The following ASPRV1 variants were observed in gnomAD, a reference collection of about 807,000 sequenced individuals.
ASPRV1 encodes the protein retroviral-like aspartic protease 1.
A neutral mutation model predicts 11.0 loss-of-function variants in ASPRV1; 7 were observed. The observed-to-expected ratio is 0.64, with a 90% CI of 0.36 to 1.20. ASPRV1 has a LOEUF of 1.20. Among genes scored for constraint, ASPRV1 ranks in the 50% most tolerant of loss-of-function variants. The pLI is 0.02. For synonymous variants in ASPRV1, 136 were observed against 138.4 expected (o/e 0.98, Z 0.12); for missense variants, 299 against 320.0 (o/e 0.93, Z 0.50).
the ASPRV1 span, among the ~76,000 whole-genome samples, chr2:70,077,958 G>C: frequency 6.6e-5 from 10 of 152,070 alleles, no homozygotes; most frequent in Non-Finnish European, 1.5e-4. Context: ...CATGAGGTCA[G>C]GAGTTTGAGA....
the ASPRV1 span, among the ~76,000 whole-genome samples, chr2:69,953,233 G>A: frequency 6.6e-6 from 1 of 152,338 alleles, no homozygotes; most frequent in African/African-American, 2.4e-5. Context: ...TGGACAGGGA[G>A]TTGTGGGTGG....
At chr2:70,062,546 G>GA in the ASPRV1 span, among the ~76,000 whole-genome samples, 61 of 152,328 alleles carry the variant, frequency 4.0e-4, 1 homozygote, top group Middle Eastern at 0.014. Context: ...GGCTAATGAA[G>GA]AAAGGCCCTT....
At chr2:69,980,976 A>C in the ASPRV1 span, among the ~76,000 whole-genome samples, 1 of 152,092 alleles carries the variant, frequency 6.6e-6, no homozygotes, top group South Asian at 2.1e-4. Flanking sequence ...GGGTTTCTCC[A>C]TTTTGGCCAG....
the ASPRV1 span, chr2:70,083,584 G>C: frequency 6.6e-6 from 1 of 152,130 alleles, no homozygotes; most frequent in East Asian, 1.9e-4. Context: ...CTCCAGGCAG[G>C]GGTGGGGCAG....
the ASPRV1 span, chr2:70,014,766 C>G: frequency 7.7e-6 from 1 of 130,096 alleles, no homozygotes; most frequent in Non-Finnish European, 1.5e-5. Context: ...CGCCATTGTA[C>G]TCCAGTGATA....
At chr2:69,959,625 C>T (rs187332938), downstream of ASPRV1, among the ~76,000 whole-genome samples, 7 of 152,300 alleles carry the variant, frequency 4.6e-5, no homozygotes, top group East Asian at 7.7e-4. Context: ...CAGCCTCCCC[C>T]GTCCTCCAGC....
chr2:70,024,862 T>G, the ASPRV1 span, among the ~76,000 whole-genome samples: 2,703 of 152,066 alleles, frequency 0.018, 98 homozygotes, highest in African/African-American at 0.062. Context: ...CCAAACTCAT[T>G]CCTAAGTCTG....
At chr2:69,950,927 G>GAA in the ASPRV1 span, among the ~76,000 whole-genome samples, 5 of 151,196 alleles carry the variant, frequency 3.3e-5, no homozygotes, top group Admixed American at 3.3e-4. Flanking sequence ...AGTAAAGTAT[G>GAA]AAAGTTTACA....
In ASPRV1 at chr2:69,960,611, T is replaced by C; in HGVS notation, c.*46A>G. On this transcript the variant is annotated 3_prime_UTR_variant, in exon 1 of 1. Coordinates refer to ENST00000320256, the MANE Select transcript of ASPRV1 (RefSeq NM_152792.4). ...GGATATGCAACCCCCCCCACAGCGGTGGGTCTTCCCACCAATATTTAGGAG... is the reference window on the plus strand; with the variant it reads ...GGATATGCAACCCCCCCCACAGCGGCGGGTCTTCCCACCAATATTTAGGAG... 6.5e-7 allele frequency: 1 copy of C among 1,550,238 alleles called. No individual in the cohort carries two copies. Among genetic ancestry groups the C allele is most frequent in the Non-Finnish European group, 8.7e-7 (1 of 1,148,090 alleles).
chr2:70,084,189 C>T, the ASPRV1 span, among the ~76,000 whole-genome samples: 2 of 152,044 alleles, frequency 1.3e-5, no homozygotes, highest in African/African-American at 4.8e-5. Flanking sequence ...AGTAGGTAGT[C>T]TTGGAAAGAA....
At chr2:69,950,854 A>AATAC in the ASPRV1 span, among the ~76,000 whole-genome samples, 1 of 143,800 alleles carries the variant, frequency 7.0e-6, no homozygotes, top group East Asian at 2.0e-4. Context: ...AAAATAAATA[A>AATAC]ATAAATAAAT....
chr2:70,034,970 G>C, the ASPRV1 span: 1 of 152,592 alleles, frequency 6.6e-6, no homozygotes, highest in South Asian at 2.1e-4. Context: ...CTCCCAGTTT[G>C]CTTTACCCTT....
the ASPRV1 span, among the ~76,000 whole-genome samples, chr2:69,986,263 C>T: frequency 6.6e-6 from 1 of 152,234 alleles, no homozygotes; most frequent in Admixed American, 6.5e-5. Context: ...GCATGGGCAA[C>T]TCTATCTACA....
the ASPRV1 span, among the ~76,000 whole-genome samples, chr2:69,949,487 C>A: frequency 6.6e-6 from 1 of 152,054 alleles, no homozygotes; most frequent in African/African-American, 2.4e-5. Context: ...AGAAAATACC[C>A]GGGTTTTGGA....
the ASPRV1 span, chr2:69,997,917 ACTG>A: frequency 6.6e-6 from 1 of 152,264 alleles, no homozygotes; most frequent in Non-Finnish European, 1.5e-5. Context: ...ACTTACGTGC[ACTG>A]CCTCATGTAA....
the ASPRV1 span, among the ~76,000 whole-genome samples, chr2:69,967,604 T>C: frequency 6.6e-6 from 1 of 152,094 alleles, no homozygotes; most frequent in Non-Finnish European, 1.5e-5. Context: ...ACAGTGTCTA[T>C]GAACACAGAA....
chr2:70,040,506 TTAA>T, the ASPRV1 span, among the ~76,000 whole-genome samples: 22 of 152,194 alleles, frequency 1.4e-4, no homozygotes, highest in Admixed American at 9.8e-4. Context: ...CCTAAAGCTG[TTAA>T]CAAGTTTTCC....
chr2:70,026,137 G>A, the ASPRV1 span, among the ~76,000 whole-genome samples: 1 of 152,132 alleles, frequency 6.6e-6, no homozygotes, highest in Non-Finnish European at 1.5e-5. Context: ...AGCCTAACAT[G>A]GTGAAACCTT....
chr2:69,955,643 C>G (rs563049986), downstream of ASPRV1, among the ~76,000 whole-genome samples: 1 of 152,182 alleles, frequency 6.6e-6, no homozygotes, highest in Non-Finnish European at 1.5e-5. Context: ...GGGAAGGTTA[C>G]GATCCTTTTG....
Sources: gnomAD v4.1 joint callset for allele counts (sites outside exome capture counted in the v4.1 genomes callset) on GRCh38, gnomAD v4.1.1 for gene constraint, MANE v1.5 for transcripts, NCBI Gene and HGNC (gene_info 2026-07-23, HGNC 2026-07-21) for gene names.